Variants in ZNRF3 observed in about 807,000 individuals in gnomAD.
ZNRF3 encodes the protein zinc and ring finger 3.
A neutral mutation model predicts 72.5 loss-of-function variants in ZNRF3; 23 were observed. That is an observed-to-expected ratio of 0.32 (90% CI 0.23 to 0.45). The LOEUF (loss-of-function observed/expected upper bound fraction) is 0.45. ZNRF3 is among the 20% of genes least tolerant of loss of function. ZNRF3 has a pLI of 1.00. For synonymous variants in ZNRF3, 610 were observed against 545.3 expected (o/e 1.12, Z -1.65); for missense variants, 1,169 against 1,272.1 (o/e 0.92, Z 1.23).
chr22:28,968,699 A>C (rs2035518510), intron 1 of ZNRF3, among the ~76,000 whole-genome samples: 1 of 152,204 alleles, frequency 6.6e-6, no homozygotes, highest in South Asian at 2.1e-4. Context: ...ATAAGAGTGA[A>C]ACTCCGTCTC....
At position 28,991,589 on chromosome 22, in the gene ZNRF3, G is replaced by A. The variant is rs117786591; in HGVS notation, c.426+4388G>A. ...CTTATGGGAAATGTTGGATGACCAT[G>A]TAGAAGTCAGCCATCACATGTTGGG... On this transcript the variant is annotated intron_variant, in intron 2 of 8. Transcript: ENST00000544604. 3.3e-3 allele frequency among the ~76,000 whole-genome samples: 500 copies of A among 152,298 alleles called. 17 individuals are homozygous for A. The East Asian group carries it at 0.074, about 23-fold the overall frequency.
chr22:28,962,235 A>G (rs761506179), intron 1 of ZNRF3, among the ~76,000 whole-genome samples: 4 of 152,226 alleles, frequency 2.6e-5, no homozygotes, highest in African/African-American at 7.2e-5. Flanking sequence ...GAACATTGCC[A>G]TTATTGCAGA....
intron 2 of ZNRF3, among the ~76,000 whole-genome samples, chr22:29,006,280 C>T (rs888469187): frequency 7.4e-5 from 10 of 135,728 alleles, no homozygotes; most frequent in Non-Finnish European, 1.4e-4. Flanking sequence ...ATGGCACAAT[C>T]TCGGCTCACC....
intron 1 of ZNRF3, among the ~76,000 whole-genome samples, chr22:28,978,470 A>G (rs2035711953): frequency 3.3e-5 from 5 of 152,178 alleles, no homozygotes; most frequent in Admixed American, 3.3e-4. Context: ...GTCTCCCTTC[A>G]GATGTCCACT....
At chr22:28,891,661 C>T (rs1442883556) in intron 1 of ZNRF3, among the ~76,000 whole-genome samples, 2 of 152,240 alleles carry the variant, frequency 1.3e-5, no homozygotes, top group Admixed American at 6.5e-5. Context: ...TCTGTTTTCA[C>T]AAGCCCGCTT....
chr22:29,001,059 CTTTTTTT>C (rs773296494), intron 2 of ZNRF3, among the ~76,000 whole-genome samples: 555 of 77,874 alleles, frequency 7.1e-3, no homozygotes, highest in African/African-American at 0.023. Context: ...AAAGCTTTGC[CTTTTTTT>C]TTTTTTTTTT....
At chr22:29,028,177 G>T (rs1179646979) in intron 2 of ZNRF3, among the ~76,000 whole-genome samples, 1 of 152,204 alleles carries the variant, frequency 6.6e-6, no homozygotes, top group African/African-American at 2.4e-5. Flanking sequence ...TTGTGAACTT[G>T]CATTGGCTAC....
At chr22:28,979,099 A>G (rs2035723813) in intron 1 of ZNRF3, among the ~76,000 whole-genome samples, 1 of 152,038 alleles carries the variant, frequency 6.6e-6, no homozygotes, top group East Asian at 1.9e-4. Context: ...AATGAGTCAT[A>G]TTTTTGTTGT....
At chr22:29,042,267 T>C (rs1316532738) in intron 2 of ZNRF3, among the ~76,000 whole-genome samples, 1 of 152,238 alleles carries the variant, frequency 6.6e-6, no homozygotes, top group Non-Finnish European at 1.5e-5. Context: ...GTTGGGAATG[T>C]CCTTCTCCTA....
At chr22:29,033,374 G>C (rs1487076851) in intron 2 of ZNRF3, among the ~76,000 whole-genome samples, 1 of 141,186 alleles carries the variant, frequency 7.1e-6, no homozygotes, top group Non-Finnish European at 1.5e-5. Flanking sequence ...AAAAAAAAAG[G>C]CTCAATATAG....
intron 5 of ZNRF3, among the ~76,000 whole-genome samples, chr22:29,045,379 AAAAG>A (rs1286356844): frequency 6.6e-6 from 1 of 152,006 alleles, no homozygotes; most frequent in Non-Finnish European, 1.5e-5. Context: ...AAAAAAAAAA[AAAAG>A]ATCAAAACTT....
At position 29,045,362 on chromosome 22, in the gene ZNRF3, CAA is replaced by C. The variant is rs59285656; in HGVS notation, c.744+491_744+492del. Among the ~76,000 whole-genome samples, 466 of 97,558 alleles carry C rather than the reference CAA, an allele frequency of 4.8e-3. 1 individual carries two copies. Among genetic ancestry groups the C allele is most frequent in the African/African-American group, 0.013 (335 of 25,184 alleles). 64.0% of individuals were successfully genotyped at this position (97,558 alleles called of 152,430 possible). On this transcript the variant is annotated intron_variant, in intron 5 of 8. Coordinates refer to ENST00000544604, the MANE Select transcript of ZNRF3 (RefSeq NM_001206998.2). ...GGTAACAGAGTAAGACCCTGTCTCA[CAA>C]AAAAAAAAAAAAAAAAAAGATCAAA...
intron 2 of ZNRF3, among the ~76,000 whole-genome samples, chr22:28,997,460 C>T (rs557010981): frequency 2.0e-5 from 3 of 152,212 alleles, no homozygotes; most frequent in African/African-American, 7.2e-5. Flanking sequence ...CTTCCTCCTT[C>T]ATTCCTTTCT....
At chr22:28,961,773 C>T (rs2123803671) in intron 1 of ZNRF3, among the ~76,000 whole-genome samples, 1 of 152,322 alleles carries the variant, frequency 6.6e-6, no homozygotes, top group South Asian at 2.1e-4. Flanking sequence ...GCAGCCTGAG[C>T]TTCTCACCGT....
At chr22:29,047,216 C>T (rs990585674) in intron 6 of ZNRF3, among the ~76,000 whole-genome samples, 24 of 152,112 alleles carry the variant, frequency 1.6e-4, no homozygotes, top group African/African-American at 5.6e-4. Context: ...ATTATTACAC[C>T]GCTGCATATC....
At position 29,049,454 on chromosome 22, in the gene ZNRF3, G is replaced by C; in HGVS notation, c.1273G>C (p.Asp425His). The change falls in exon 8 of 9, where the codon GAC becomes CAC. Residue 425 changes from aspartate to histidine, a missense_variant. By Grantham distance (81) the Asp-to-His change is moderately conservative. Around this residue, in one of 2 missense-constraint regions of ZNRF3, gnomAD observed 783 missense variants for 731.4 expected, o/e 1.07. Transcript: ENST00000544604. The surrounding 1 kb of genome is among the most constrained non-coding windows in gnomAD (Gnocchi z 5.2). ...YIRSYPPLHL[D>H]HSLAAHRCGL... is the part of the protein sequence containing the mutation. The stretch of plus-strand genomic sequence containing the variant: ...CCGCAGCTACCCACCCCTCCACCTG[G>C]ACCACAGCCTGGCCGCTCACCGCTG... 1.2e-6 allele frequency: 2 copies of C among 1,605,446 alleles called. No homozygotes were observed. The highest frequency in any genetic ancestry group is 1.7e-6 in the Non-Finnish European group (2 of 1,179,720).
chr22:28,909,940 A>T (rs1292559632), intron 1 of ZNRF3, among the ~76,000 whole-genome samples: 1 of 150,652 alleles, frequency 6.6e-6, no homozygotes, highest in African/African-American at 2.4e-5. Context: ...GGGTCTTACT[A>T]TGTTTCCCAG....
chr22:29,029,013 G>A (rs1312175281), intron 2 of ZNRF3, among the ~76,000 whole-genome samples: 2 of 152,152 alleles, frequency 1.3e-5, no homozygotes, highest in Non-Finnish European at 2.9e-5. Context: ...CCTCCTGGAG[G>A]CACAGTGCAC....
rs545636384 is a variant in ZNRF3 at position 28,920,364 on chromosome 22, G to A, written c.300+36298G>A. Among the ~76,000 whole-genome samples, 7 of 152,142 alleles carry A rather than the reference G, an allele frequency of 4.6e-5. No individual in the cohort carries two copies. The South Asian group carries it at 1.5e-3, about 32-fold the overall frequency. On this transcript the variant is annotated intron_variant, in intron 1 of 8. Transcript: ENST00000544604. ...TGGCTCACTGCAACCTCTGCCTCCCGGGTTCAAACGATTCTCGTGCCTCAG... is the reference window on the plus strand; with the variant it reads ...TGGCTCACTGCAACCTCTGCCTCCCAGGTTCAAACGATTCTCGTGCCTCAG...
Sources: allele counts gnomAD v4.1 joint callset (sites outside exome capture counted in the v4.1 genomes callset), GRCh38; gene constraint gnomAD v4.1.1; regional missense constraint gnomAD v4.1.1; non-coding constraint Gnocchi (gnomAD v3.1); transcripts MANE v1.5; gene names NCBI Gene and HGNC (gene_info 2026-07-23, HGNC 2026-07-21).